Variants in MARCHF1 observed in about 807,000 individuals in gnomAD.
The protein encoded by MARCHF1 is membrane associated ring-CH-type finger 1.
A neutral mutation model predicts 54.2 loss-of-function variants in MARCHF1; 40 were observed. The ratio of observed to expected loss-of-function variants is 0.74; its 90% CI spans 0.57 to 0.96. The LOEUF is 0.96. Among genes scored for constraint, MARCHF1 ranks in the 40% least tolerant of loss-of-function variants. The pLI, the probability that MARCHF1 is intolerant of heterozygous loss-of-function variation, is 0.00. For missense variants in MARCHF1, 586 were observed against 656.5 expected (o/e 0.89, Z 1.17); for synonymous variants, 236 against 236.3 (o/e 1.00, Z 0.01).
At chr4:163,549,479 A>G (rs773310011) in intron 8 of MARCHF1, among the ~76,000 whole-genome samples, 25 of 152,058 alleles carry the variant, frequency 1.6e-4, no homozygotes, top group African/African-American at 4.3e-4. Context: ...CTTTTCACCA[A>G]TGTCTACACT....
At chr4:164,342,588 T>C (rs1266287458) in intron 1 of MARCHF1, among the ~76,000 whole-genome samples, 1 of 151,808 alleles carries the variant, frequency 6.6e-6, no homozygotes, top group Admixed American at 6.6e-5. Flanking sequence ...AAAACTACAA[T>C]ATAATCCATC....
At chr4:163,881,790 A>G (rs1750422314) in intron 3 of MARCHF1, among the ~76,000 whole-genome samples, 1 of 152,192 alleles carries the variant, frequency 6.6e-6, no homozygotes, top group Admixed American at 6.5e-5. Flanking sequence ...CTTAATAATA[A>G]CAGTCAAAGT....
At chr4:164,332,794 G>T (rs938175853) in intron 1 of MARCHF1, among the ~76,000 whole-genome samples, 3 of 152,160 alleles carry the variant, frequency 2.0e-5, no homozygotes, top group South Asian at 2.1e-4. Flanking sequence ...GAAAAGTTCT[G>T]CAAGATGACT....
At chr4:164,093,788 C>T (rs1755353030) in intron 2 of MARCHF1, among the ~76,000 whole-genome samples, 1 of 152,100 alleles carries the variant, frequency 6.6e-6, no homozygotes, top group Non-Finnish European at 1.5e-5. Context: ...CTTCTCAGCA[C>T]AGCACCCTTA....
rs5863672 is a variant in MARCHF1 at position 164,249,764 on chromosome 4, TAA to T, written c.-323+134104_-323+134105del. Among the ~76,000 whole-genome samples the T allele has an allele frequency of 1.3e-3, 188 of 143,494 alleles. 1 individual carries two copies. Among genetic ancestry groups the T allele is most frequent in the South Asian group, 1.3e-3 (6 of 4,532 alleles). The allele number at this position is 143,494 out of a possible 152,430, so 94.1% of individuals were successfully genotyped here. A position where few individuals can be genotyped will look rare whatever the true frequency, so the allele number is the denominator to read the frequency against. On this transcript the variant is annotated intron_variant, in intron 1 of 9. Coordinates refer to ENST00000514618, the MANE Select transcript of MARCHF1 (RefSeq NM_001394959.1). The stretch of plus-strand genomic sequence containing the variant: ...GACCTAGAATACAGACGGTTAGGAT[TAA>T]AAAAAAAAAAAAGTCTTATGAGAGT...
At chr4:164,183,111 ATTGT>A (rs1560943248) in intron 1 of MARCHF1, among the ~76,000 whole-genome samples, 1 of 151,988 alleles carries the variant, frequency 6.6e-6, no homozygotes, top group Admixed American at 6.6e-5. Flanking sequence ...CCATTCTCTA[ATTGT>A]TTGATCACTA....
chr4:164,187,216 T>G (rs1205761363), intron 1 of MARCHF1, among the ~76,000 whole-genome samples: 1 of 151,842 alleles, frequency 6.6e-6, no homozygotes, highest in Non-Finnish European at 1.5e-5. Context: ...AAAGCTGTTG[T>G]GGGGACAGGG....
At chr4:164,350,177 C>T (rs1001122984) in intron 1 of MARCHF1, among the ~76,000 whole-genome samples, 1 of 152,110 alleles carries the variant, frequency 6.6e-6, no homozygotes, top group African/African-American at 2.4e-5. Context: ...GTATTGTATA[C>T]TGATGTGTAT....
intron 4 of MARCHF1, among the ~76,000 whole-genome samples, chr4:163,719,773 G>C (rs992989484): frequency 3.9e-5 from 6 of 152,094 alleles, no homozygotes; most frequent in African/African-American, 1.5e-4. Context: ...ACATTTCTCT[G>C]ATGGCCAGTG....
At chr4:163,951,341 A>G (rs939881808) in intron 3 of MARCHF1, among the ~76,000 whole-genome samples, 3 of 152,298 alleles carry the variant, frequency 2.0e-5, no homozygotes, top group South Asian at 4.1e-4. Flanking sequence ...GCATGTAACT[A>G]CGAACACAGG....
chr4:163,610,745 AT>A (rs1741311017), intron 7 of MARCHF1, among the ~76,000 whole-genome samples: 1 of 152,018 alleles, frequency 6.6e-6, no homozygotes, highest in African/African-American at 2.4e-5. Flanking sequence ...TTCTTTGTAA[AT>A]CCCTTTTAAG....
intron 1 of MARCHF1, among the ~76,000 whole-genome samples, chr4:164,129,679 T>C (rs1174474817): frequency 6.6e-6 from 1 of 151,102 alleles, no homozygotes; most frequent in Non-Finnish European, 1.5e-5. Context: ...GTTTATTCCA[T>C]AGCAGTGAGT....
chr4:163,758,794 C>A (rs1746750013), intron 4 of MARCHF1, among the ~76,000 whole-genome samples: 1 of 152,234 alleles, frequency 6.6e-6, no homozygotes, highest in African/African-American at 2.4e-5. Flanking sequence ...TTTCTCACAG[C>A]CTAAAACTTT....
intron 2 of MARCHF1, among the ~76,000 whole-genome samples, chr4:164,085,679 G>C (rs1361537092): frequency 6.6e-6 from 1 of 151,746 alleles, no homozygotes; most frequent in Non-Finnish European, 1.5e-5. Flanking sequence ...ATAAAGCATG[G>C]TTATCGCAAA....
chr4:164,154,287 G>C, intron 1 of MARCHF1, among the ~76,000 whole-genome samples: 1 of 152,116 alleles, frequency 6.6e-6, no homozygotes, highest in East Asian at 1.9e-4. Flanking sequence ...AAATACCTAA[G>C]GTAGAATTAG....
chr4:164,233,740 C>G (rs1732477278), intron 1 of MARCHF1, among the ~76,000 whole-genome samples: 1 of 152,096 alleles, frequency 6.6e-6, no homozygotes. Context: ...TGACTTATTA[C>G]TTTTATGGTC....
chr4:164,061,003 T>G (rs963731466), intron 2 of MARCHF1, among the ~76,000 whole-genome samples: 7 of 152,220 alleles, frequency 4.6e-5, no homozygotes, highest in African/African-American at 1.7e-4. Flanking sequence ...TAACAATGGT[T>G]GTGCCATCAC....
rs1331960620 is a variant in MARCHF1, at chr4:163,612,344, G to A, written c.937C>T (p.Leu313Phe). The part of the protein sequence containing the change: ...EGSKDMNDAG[L>F]QVNNPVQKPP... ...TTCTGAACAGGGTTATTCACCTGGA[G>A]CCCTGCATCATTCATGTCCTTGCTG... Residue 313 changes from leucine to phenylalanine, a missense_variant, in exon 7 of 10, where the codon CTC (leucine) becomes TTC (phenylalanine). This residue lies in a region of MARCHF1 where 387 missense variants were observed against 394.6 expected (regional missense o/e 0.98). Transcript: ENST00000514618. 3 of 1,535,100 alleles carry A rather than the reference G, an allele frequency of 2.0e-6. No homozygotes were observed. The highest frequency in any genetic ancestry group is 2.6e-6 in the Non-Finnish European group (3 of 1,146,324).
chr4:163,532,742 T>G lies in MARCHF1; in HGVS notation c.1340-3696A>C, dbSNP rs116252161. 1.8e-3 allele frequency among the ~76,000 whole-genome samples: 267 copies of G among 152,042 alleles called. 2 individuals are homozygous for G. The highest frequency in any genetic ancestry group is 6.3e-3 in the African/African-American group (260 of 41,516). On this transcript the variant is annotated intron_variant, in intron 9 of 9. Transcript: ENST00000514618. ...AAGATTTGAACAGATATGTCATCAATGAAGATAAACAGATGGTAAGATTAT... is the reference window on the plus strand; with the variant it reads ...AAGATTTGAACAGATATGTCATCAAGGAAGATAAACAGATGGTAAGATTAT...
Sources: allele counts gnomAD v4.1 joint callset (sites outside exome capture counted in the v4.1 genomes callset), GRCh38; gene constraint gnomAD v4.1.1; regional missense constraint gnomAD v4.1.1; transcripts MANE v1.5; gene names NCBI Gene and HGNC (gene_info 2026-07-23, HGNC 2026-07-21).